ZNF385D: variants seen among roughly 807,000 people sequenced by gnomAD.
The protein encoded by ZNF385D is zinc finger protein 659.
A neutral mutation model predicts 35.8 loss-of-function variants in ZNF385D; 15 were observed. The observed-to-expected ratio is 0.42, with a 90% CI of 0.28 to 0.64. ZNF385D has a LOEUF of 0.64. Ranked by LOEUF, ZNF385D falls within the 30% of genes least tolerant of loss-of-function variation. The pLI is 0.23. For synonymous variants in ZNF385D, 212 were observed against 186.8 expected (o/e 1.13, Z -1.10); for missense variants, 474 against 494.6 (o/e 0.96, Z 0.39).
At chr3:21,732,527 T>A (rs562808441) in intron 1 of ZNF385D, among the ~76,000 whole-genome samples, 8 of 152,346 alleles carry the variant, frequency 5.3e-5, no homozygotes, top group African/African-American at 1.7e-4. Context: ...AGAGTTCCTG[T>A]TGCTCCAAAC....
intron 2 of ZNF385D, among the ~76,000 whole-genome samples, chr3:22,347,460 G>A (rs536279221): frequency 1.1e-4 from 16 of 152,260 alleles, no homozygotes; most frequent in Non-Finnish European, 1.8e-4. Flanking sequence ...GGAAGAGAAA[G>A]TAAGTGGAAG....
intron 3 of ZNF385D, among the ~76,000 whole-genome samples, chr3:22,157,949 G>T (rs150364038): frequency 2.0e-5 from 3 of 152,178 alleles, no homozygotes; most frequent in East Asian, 1.9e-4. Context: ...CTTTACAAAA[G>T]TTCCCTGGGA....
intron 2 of ZNF385D, among the ~76,000 whole-genome samples, chr3:22,288,380 G>A (rs1306317179): frequency 6.6e-6 from 1 of 151,946 alleles, no homozygotes; most frequent in East Asian, 1.9e-4. Context: ...ATAATGCATA[G>A]ATGGTTTCAC....
At chr3:22,372,020 G>A (rs996683215) in intron 2 of ZNF385D, among the ~76,000 whole-genome samples, 3 of 152,186 alleles carry the variant, frequency 2.0e-5, no homozygotes, top group Non-Finnish European at 4.4e-5. Flanking sequence ...TTCCCCCGAG[G>A]AGGGAGCACG....
At chr3:22,191,110 C>G (rs1045490573) in intron 2 of ZNF385D, among the ~76,000 whole-genome samples, 1 of 151,318 alleles carries the variant, frequency 6.6e-6, no homozygotes, top group South Asian at 2.1e-4. Flanking sequence ...AAGTCCACAG[C>G]AGAAATTGCT....
At chr3:22,274,578 C>A (rs1437357473) in intron 2 of ZNF385D, among the ~76,000 whole-genome samples, 2 of 151,876 alleles carry the variant, frequency 1.3e-5, no homozygotes, top group Non-Finnish European at 2.9e-5. Flanking sequence ...GAGTCCATTG[C>A]AATCAAGATG....
At chr3:21,853,287 G>C (rs1227833192) in intron 3 of ZNF385D, among the ~76,000 whole-genome samples, 1 of 151,774 alleles carries the variant, frequency 6.6e-6, no homozygotes, top group African/African-American at 2.4e-5. Flanking sequence ...AAAAGGTCTG[G>C]AAAAGTCTGT....
At chr3:22,121,575 T>G (rs1326361591) in intron 3 of ZNF385D, among the ~76,000 whole-genome samples, 1 of 151,926 alleles carries the variant, frequency 6.6e-6, no homozygotes, top group East Asian at 1.9e-4. Context: ...GCACAAAGGA[T>G]CTCCAAAGCA....
At chr3:21,804,840 C>CT (rs2072564891) in intron 3 of ZNF385D, among the ~76,000 whole-genome samples, 1 of 137,256 alleles carries the variant, frequency 7.3e-6, no homozygotes, top group African/African-American at 2.8e-5. Context: ...GTTGTTTCTA[C>CT]TGTTTTCCCT....
At chr3:21,865,467 GA>G (rs1697296855) in intron 3 of ZNF385D, among the ~76,000 whole-genome samples, 1 of 152,064 alleles carries the variant, frequency 6.6e-6, no homozygotes, top group Admixed American at 6.6e-5. Flanking sequence ...GGTCCAGGGG[GA>G]TAGAGTATGT....
intron 3 of ZNF385D, among the ~76,000 whole-genome samples, chr3:21,542,358 T>TC (rs1553608955): frequency 1.5e-4 from 22 of 150,946 alleles, no homozygotes; most frequent in East Asian, 3.9e-4. Context: ...TTTTTTTTTT[T>TC]CCCAGAGATG....
chr3:21,904,546 G>C (rs143192277), intron 3 of ZNF385D, among the ~76,000 whole-genome samples: 4 of 152,064 alleles, frequency 2.6e-5, no homozygotes, highest in African/African-American at 4.8e-5. Context: ...GCAAAGTCAC[G>C]TCATCTTTCT....
intron 3 of ZNF385D, among the ~76,000 whole-genome samples, chr3:22,128,026 T>TC (rs1559390060): frequency 6.6e-6 from 1 of 152,118 alleles, no homozygotes; most frequent in Non-Finnish European, 1.5e-5. Context: ...CCTTTTCTTT[T>TC]AGATTGAAAA....
rs528268118 is a variant in ZNF385D at position 22,313,014 on chromosome 3, G to T, written c.106+59436C>A. Among the ~76,000 whole-genome samples, 94 of 150,388 alleles carry T rather than the reference G, an allele frequency of 6.3e-4. 1 individual carries two copies. The highest frequency in any genetic ancestry group is 2.2e-3 in the African/African-American group (91 of 41,216). The stretch of plus-strand genomic sequence containing the variant: ...CTTGGAACCAACCCAAATGTCCAAC[G>T]ATAGACTGGATTAAGAAAATGTGGC... On this transcript the variant is annotated intron_variant, in intron 2 of 5. Transcript: ENST00000494108.
intron 3 of ZNF385D, among the ~76,000 whole-genome samples, chr3:21,541,863 T>C (rs974068138): frequency 2.0e-5 from 3 of 152,182 alleles, no homozygotes; most frequent in Admixed American, 2.0e-4. Context: ...CTTTAAGAAG[T>C]GTATACAGTT....
intron 2 of ZNF385D, among the ~76,000 whole-genome samples, chr3:21,601,072 ATGTT>A (rs2064273532): frequency 6.6e-6 from 1 of 152,164 alleles, no homozygotes; most frequent in Non-Finnish European, 1.5e-5. Flanking sequence ...AATAAAAATA[ATGTT>A]CTTTTTTCAA....
chr3:22,127,169 C>T (rs1703481306), intron 3 of ZNF385D, among the ~76,000 whole-genome samples: 1 of 151,912 alleles, frequency 6.6e-6, no homozygotes, highest in Admixed American at 6.6e-5. Flanking sequence ...CATTGACATT[C>T]AATGTTATTA....
intron 3 of ZNF385D, among the ~76,000 whole-genome samples, chr3:22,138,265 C>T (rs1019356999): frequency 5.3e-5 from 8 of 152,094 alleles, no homozygotes; most frequent in African/African-American, 7.2e-5. Flanking sequence ...AGATTCAATG[C>T]CATCCCCATC....
At chr3:22,039,777 C>G (rs571187397) in intron 3 of ZNF385D, among the ~76,000 whole-genome samples, 4 of 152,190 alleles carry the variant, frequency 2.6e-5, no homozygotes, top group Non-Finnish European at 4.4e-5. Context: ...TAGGGTACAT[C>G]GTTTTAGGAG....
Sources: gnomAD v4.1 joint callset for allele counts (sites outside exome capture counted in the v4.1 genomes callset) on GRCh38, gnomAD v4.1.1 for gene constraint, MANE v1.5 for transcripts, NCBI Gene and HGNC (gene_info 2026-07-23, HGNC 2026-07-21) for gene names.